KALRN: variants seen among roughly 807,000 people sequenced by gnomAD.
KALRN encodes the protein kalirin RhoGEF kinase, also known as kalirin.
KALRN carries 70 observed loss-of-function variants against 353.7 expected under a neutral mutation model. The observed-to-expected ratio is 0.20, with a 90% CI of 0.16 to 0.24. The LOEUF is 0.24. Ranked by LOEUF, KALRN falls within the 10% of genes least tolerant of loss-of-function variation. The pLI, the probability that KALRN is intolerant of heterozygous loss-of-function variation, is 1.00. For synonymous variants in KALRN, 1,391 were observed against 1,434.8 expected (o/e 0.97, Z 0.69); for missense variants, 2,791 against 3,756.7 (o/e 0.74, Z 6.72).
chr3:124,250,234 T>A (rs2070936642), intron 3 of KALRN, among the ~76,000 whole-genome samples: 1 of 152,310 alleles, frequency 6.6e-6, no homozygotes, highest in South Asian at 2.1e-4. Flanking sequence ...AAGGACTGTT[T>A]CCTGGAGGAA....
At chr3:124,649,330 A>C (rs2083118654) in intron 37 of KALRN, among the ~76,000 whole-genome samples, 1 of 152,208 alleles carries the variant, frequency 6.6e-6, no homozygotes, top group Non-Finnish European at 1.5e-5. Flanking sequence ...CAGCTCACTG[A>C]AGGCCAAGCT....
Position 124,384,740 on chromosome 3 carries a change from C to T in KALRN, c.1771-105C>T, listed in dbSNP as rs900852530. On this transcript the variant is annotated intron_variant, in intron 10 of 59. Transcript: ENST00000682506. ...CCTCAGTGCCAGATCAGGGAGCTGT[C>T]AGCTCAGCGCCCACGCCCCTCCGCT... is the stretch of plus-strand genomic sequence containing the variant. 52 of 1,116,864 alleles carry T rather than the reference C, an allele frequency of 4.7e-5. No individual in the cohort carries two copies. The Admixed American group carries it at 5.0e-4, about 11-fold the overall frequency. The allele number at this position is 1,116,864 out of a possible 1,614,324, so 69.2% of individuals were successfully genotyped here.
intron 39 of KALRN, among the ~76,000 whole-genome samples, chr3:124,656,688 C>G (rs2084091787): frequency 6.6e-6 from 1 of 152,144 alleles, no homozygotes. Context: ...CTGCTGGTTC[C>G]TTACATTTGG....
At chr3:124,449,826 C>T (rs1031775976) in intron 21 of KALRN, among the ~76,000 whole-genome samples, 1 of 152,186 alleles carries the variant, frequency 6.6e-6, no homozygotes, top group Non-Finnish European at 1.5e-5. Context: ...GCTTACTTCC[C>T]CTAGCCTAAT....
chr3:124,594,973 AATTTT>A (rs1421375998), intron 34 of KALRN, among the ~76,000 whole-genome samples: 2 of 151,208 alleles, frequency 1.3e-5, no homozygotes, highest in African/African-American at 4.9e-5. Flanking sequence ...TTTTTTTAAA[AATTTT>A]ATTTATTTAT....
rs1029484813 is a variant in KALRN, at chr3:124,499,630, G to A, written c.4935+3217G>A. Among the ~76,000 whole-genome samples, 7 of 152,190 alleles carry A rather than the reference G, an allele frequency of 4.6e-5. No individual in the cohort carries two copies. In the East Asian group the frequency reaches 1.3e-3, roughly 29 times the overall value. ...AAAGTGATGTAGCTTCAACTCACCT[G>A]TCTATAAAAAGAACTTTACTCTCTT... On this transcript the variant is annotated intron_variant, in intron 33 of 59. Coordinates refer to ENST00000682506, the MANE Select transcript of KALRN (RefSeq NM_001388419.1).
chr3:124,605,747 G>A (rs749793389), intron 34 of KALRN, among the ~76,000 whole-genome samples: 1 of 152,042 alleles, frequency 6.6e-6, no homozygotes, highest in Non-Finnish European at 1.5e-5. Context: ...GTACTGTAGG[G>A]GTTTTGGTGT....
At chr3:124,056,067 G>T (rs2041510906) in intron 1 of KALRN, among the ~76,000 whole-genome samples, 2 of 152,350 alleles carry the variant, frequency 1.3e-5, no homozygotes, top group East Asian at 3.9e-4. Context: ...TGCAGATTAA[G>T]AACAAAGGAG....
chr3:124,559,646 C>A (rs534965949), intron 33 of KALRN, among the ~76,000 whole-genome samples: 37 of 152,344 alleles, frequency 2.4e-4, no homozygotes, highest in Non-Finnish European at 3.8e-4. Flanking sequence ...CAGCTCCCAG[C>A]ATCTCCCTGA....
chr3:124,330,233 C>A, intron 8 of KALRN, among the ~76,000 whole-genome samples: 1 of 107,664 alleles, frequency 9.3e-6, no homozygotes, highest in East Asian at 2.6e-4. Flanking sequence ...CATTCATTCT[C>A]TCTCTCTCTC....
intron 35 of KALRN, among the ~76,000 whole-genome samples, 191 bp downstream of exon 35, chr3:124,632,894 C>T (rs886697467): frequency 6.6e-6 from 1 of 152,308 alleles, no homozygotes; most frequent in African/African-American, 2.4e-5. Context: ...TGACTAGCCC[C>T]TAAGACTTCC....
chr3:124,673,080 T>C (rs944614696), intron 48 of KALRN, among the ~76,000 whole-genome samples: 2 of 152,170 alleles, frequency 1.3e-5, no homozygotes, highest in African/African-American at 4.8e-5. Flanking sequence ...TGAAGTCACT[T>C]TGGCATTTTG....
At chr3:124,041,283 G>A (rs1247022349) in intron 1 of KALRN, among the ~76,000 whole-genome samples, 1 of 152,174 alleles carries the variant, frequency 6.6e-6, no homozygotes, top group East Asian at 1.9e-4. Context: ...TGTGTAAGAT[G>A]AGGATAATAG....
At chr3:124,127,788 C>G (rs2064852357) in intron 1 of KALRN, among the ~76,000 whole-genome samples, 1 of 152,094 alleles carries the variant, frequency 6.6e-6, no homozygotes, top group South Asian at 2.1e-4. Context: ...TAGTTCAACC[C>G]TCTAGAGTAA....
Position 124,722,613 on chromosome 3 carries a change from T to G in KALRN, c.*3143T>G, listed in dbSNP as rs2063372109. 1 of 152,174 alleles carries G rather than the reference T, an allele frequency of 6.6e-6. No homozygotes were observed. Among genetic ancestry groups the G allele is most frequent in the Non-Finnish European group, 1.5e-5 (1 of 68,052 alleles). The allele number at this position is 152,174 out of a possible 1,614,324, so 9.4% of individuals were successfully genotyped here. A position where few individuals can be genotyped will look rare whatever the true frequency, so the allele number is the denominator to read the frequency against. On this transcript the variant is annotated 3_prime_UTR_variant, in exon 60 of 60. Coordinates refer to ENST00000682506, the MANE Select transcript of KALRN (RefSeq NM_001388419.1). ...AAGGAATCCCAGATGATGATGATCC[T>G]GGGGAATGTACTTTAGGTTGCTCTG...
chr3:124,375,828 A>G (rs2086511753), intron 10 of KALRN, among the ~76,000 whole-genome samples: 1 of 152,224 alleles, frequency 6.6e-6, no homozygotes, highest in African/African-American at 2.4e-5. Context: ...CTTTAAAGCA[A>G]TAATATGTAA....
At chr3:124,682,950 G>A (rs849157) in intron 51 of KALRN, among the ~76,000 whole-genome samples, 14,727 of 151,974 alleles carry the variant, frequency 0.097, 1,117 homozygotes, top group East Asian at 0.32. Context: ...CCATCCCCTC[G>A]TGGCCAAGTC....
At chr3:124,551,941 G>C (rs1017778677) in intron 33 of KALRN, among the ~76,000 whole-genome samples, 2 of 152,192 alleles carry the variant, frequency 1.3e-5, no homozygotes, top group East Asian at 3.9e-4. Flanking sequence ...TGCCTTTGCA[G>C]TTAGCTATTA....
At chr3:124,625,995 C>T (rs556827392) in intron 34 of KALRN, among the ~76,000 whole-genome samples, 1 of 152,114 alleles carries the variant, frequency 6.6e-6, no homozygotes, top group African/African-American at 2.4e-5. Flanking sequence ...GCAGGAGAAT[C>T]ATTTGAACTT....
Sources: allele counts gnomAD v4.1 joint callset (sites outside exome capture counted in the v4.1 genomes callset), GRCh38; gene constraint gnomAD v4.1.1; transcripts MANE v1.5; gene names NCBI Gene and HGNC (gene_info 2026-07-23, HGNC 2026-07-21).